TCF3: variants seen among roughly 807,000 people sequenced by gnomAD.
The protein encoded by TCF3 is transcription factor E2-alpha.
TCF3 carries 54 observed loss-of-function variants against 72.3 expected under a neutral mutation model. The ratio of observed to expected loss-of-function variants is 0.75; its 90% CI spans 0.60 to 0.94. TCF3 has a LOEUF of 0.94. Among genes scored for constraint, TCF3 ranks in the 40% least tolerant of loss-of-function variants. The pLI is 0.00. For synonymous variants in TCF3, 525 were observed against 412.6 expected, an observed-to-expected ratio of 1.27 and a Z score of -3.30; for missense variants, 1,078 against 934.4, an observed-to-expected ratio of 1.15 and a Z score of -2.00.
Position 1,621,956 on chromosome 19 carries a change from A to G in TCF3, c.837T>C (p.His279=), listed in dbSNP as rs1412404703. ...HQHERMGYQL[H]GAEVNGGLPS... ...GGAGCCCACCGTTCACCTCTGCTCC[A>G]TGCAGCTGGTAGCCCTGGGGGGTCA... is the stretch of plus-strand genomic sequence containing the variant. The change falls in exon 11 of 19, where the codon CAT becomes CAC. Residue 279 remains histidine (H), a synonymous_variant. Transcript: ENST00000262965. 1.2e-6 allele frequency: 2 copies of G among 1,606,336 alleles called. No homozygotes were observed. Among genetic ancestry groups the G allele is most frequent in the Admixed American group, 1.7e-5 (1 of 59,288 alleles).
At chr19:1,645,269 C>T (rs554146435) in intron 3 of TCF3, among the ~76,000 whole-genome samples, 2 of 152,176 alleles carry the variant, frequency 1.3e-5, no homozygotes, top group South Asian at 4.1e-4. Context: ...GGCCCCAACC[C>T]GAGGCCCCCA....
At chr19:1,623,793 C>T (rs988846105) in intron 8 of TCF3, among the ~76,000 whole-genome samples, 158 bp downstream of exon 8, 4 of 152,306 alleles carry the variant, frequency 2.6e-5, no homozygotes, top group South Asian at 2.1e-4. Flanking sequence ...CCCTTGGAGG[C>T]GGCCTCGGGT....
intron 18 of TCF3, among the ~76,000 whole-genome samples, chr19:1,612,936 C>T (rs1018772924): frequency 2.4e-4 from 33 of 138,276 alleles, no homozygotes; most frequent in Non-Finnish European, 4.1e-4. Context: ...GGCAGCAGTG[C>T]GGGTACACAG....
Position 1,646,370 on chromosome 19 carries a change from G to A in TCF3, c.130C>T (p.Gln44Ter). The change falls in exon 3 of 19, where the codon CAG becomes TAG. Residue 44 changes from glutamine to a stop codon, truncating the protein, a stop_gained. Transcript: ENST00000262965. LOFTEE classifies it high-confidence loss of function. The stretch of plus-strand genomic sequence containing the variant: ...GGGGTCCTACCTGAACCTCCGAACT[G>A]CGCCCCGGCCAGGGAGGCGGGCCGG... The part of the protein sequence containing the change: ...KGRPASLAGA[Q>*]FGGSGLEDRP... The A allele has an allele frequency of 6.5e-7, 1 of 1,550,362 alleles. No homozygotes were observed. Among genetic ancestry groups the A allele is most frequent in the Non-Finnish European group, 8.7e-7 (1 of 1,146,696 alleles).
chr19:1,637,646 A>C, intron 3 of TCF3, among the ~76,000 whole-genome samples: 1 of 152,356 alleles, frequency 6.6e-6, no homozygotes, highest in Non-Finnish European at 1.5e-5. Flanking sequence ...ACGGTGGCTC[A>C]CGCCTGTAAT....
intron 5 of TCF3, among the ~76,000 whole-genome samples, chr19:1,630,074 C>A (rs2063513479): frequency 6.6e-6 from 1 of 152,228 alleles, no homozygotes; most frequent in Non-Finnish European, 1.5e-5. Context: ...TGGCCTGGGC[C>A]CCACCCGTGG....
At chr19:1,652,204 G>A (rs1481518471) in intron 1 of TCF3, 96 bp downstream of exon 1, 2 of 139,960 alleles carry the variant, frequency 1.4e-5, no homozygotes, top group Admixed American at 1.4e-4. Context: ...CTTCCTCCGC[G>A]CCCCCCCCCA....
At position 1,610,932 on chromosome 19, in the gene TCF3, G is replaced by GC. The variant is rs955166213; in HGVS notation, c.*774_*775insG. On this transcript the variant is annotated 3_prime_UTR_variant, in exon 19 of 19. Coordinates refer to ENST00000262965, the MANE Select transcript of TCF3 (RefSeq NM_003200.5). ...CTGTGTGCAGTGGCTTCCGGGGGGGGGGGGGGACGGGGGGGCTCAGGTTTA... is the reference window on the plus strand; with the variant it reads ...CTGTGTGCAGTGGCTTCCGGGGGGGGCGGGGGGACGGGGGGGCTCAGGTTTA... 4.7e-6 allele frequency: 1 copy of GC among 212,984 alleles called. No homozygotes were observed. Among genetic ancestry groups the GC allele is most frequent in the African/African-American group, 2.3e-5 (1 of 43,530 alleles). 13.2% of individuals were successfully genotyped at this position (212,984 alleles called of 1,614,324 possible). A position where few individuals can be genotyped will look rare whatever the true frequency, so the allele number is the denominator to read the frequency against.
At position 1,646,418 on chromosome 19, in the gene TCF3, G is replaced by A. The variant is rs945332912; in HGVS notation, c.82C>T (p.Leu28=). 6.5e-7 allele frequency: 1 copy of A among 1,550,262 alleles called. No homozygotes were observed. Among genetic ancestry groups the A allele is most frequent in the South Asian group, 1.2e-5 (1 of 84,046 alleles). The change falls in exon 3 of 19, where the codon CTG becomes TTG. Residue 28 remains leucine (L), a synonymous_variant. Coordinates refer to ENST00000262965, the MANE Select transcript of TCF3 (RefSeq NM_003200.5). ...DLLDFSMMFP[L]PVTNGKGRPA... Reference sequence around the variant, plus strand: ...CGGCCCTTCCCGTTGGTGACAGGCAGCGGGAACATCTGCAGGGAGGGGAGG... The same window carrying A: ...CGGCCCTTCCCGTTGGTGACAGGCAACGGGAACATCTGCAGGGAGGGGAGG...
Position 1,619,230 on chromosome 19 carries a change from C to G in TCF3, c.1331G>C (p.Gly444Ala), listed in dbSNP as rs1301050577. 1.3e-6 allele frequency: 2 copies of G among 1,594,568 alleles called. No homozygotes were observed. The highest frequency in any genetic ancestry group is 1.7e-6 in the Non-Finnish European group (2 of 1,177,142). The change falls in exon 16 of 19, where the codon GGA becomes GCA. Residue 444 changes from glycine (G) to alanine (A), a missense_variant. Transcript: ENST00000262965. ...SLGGRHAGLV[G>A]GSHPEDGLAG... ...GAGGCCGTCCTCGGGGTGGCTGCCT[C>G]CAACCTGCAGGCGTGGGGAGACGGG...
chr19:1,611,693 C>T lies in TCF3; in HGVS notation c.*14G>A, dbSNP rs760923384. On this transcript the variant is annotated 3_prime_UTR_variant, in exon 19 of 19. Coordinates refer to ENST00000262965, the MANE Select transcript of TCF3 (RefSeq NM_003200.5). ...GGCTGAAAGCGGGTGGCTCGTCCCA[C>T]GGAGGCATACCTTTCACATGTGCCC... 12 of 1,608,514 alleles carry T rather than the reference C, an allele frequency of 7.5e-6. No individual in the cohort carries two copies. Among genetic ancestry groups the T allele is most frequent in the Admixed American group, 3.4e-5 (2 of 59,514 alleles).
intron 3 of TCF3, 44 bp downstream of exon 3, chr19:1,646,311 G>A (rs2066087135): frequency 1.3e-6 from 2 of 1,537,772 alleles, no homozygotes; most frequent in Non-Finnish European, 8.8e-7. Context: ...ACAGACCCTT[G>A]ATCTCCTCAC....
chr19:1,625,587 T>G lies in TCF3; in HGVS notation c.488A>C (p.Asp163Ala). The part of the protein sequence containing the change: ...YSGSSRRRAA[D>A]GSLDTQPKKV... ...CAGACCCCGCTCACCTAGGCTGCCGTCTGCCGCTCTCCGCCGGGAGCTGCC... is the reference window on the plus strand; with the variant it reads ...CAGACCCCGCTCACCTAGGCTGCCGGCTGCCGCTCTCCGCCGGGAGCTGCC... The change falls in exon 7 of 19, where the codon GAC becomes GCC. Residue 163 changes from aspartate (D) to alanine (A), a missense_variant. Asp to Ala is a moderately radical substitution (Grantham distance 126). Coordinates refer to ENST00000262965, the MANE Select transcript of TCF3 (RefSeq NM_003200.5). The G allele has an allele frequency of 6.3e-7, 1 of 1,584,976 alleles. No homozygotes were observed. Among genetic ancestry groups the G allele is most frequent in the Non-Finnish European group, 8.6e-7 (1 of 1,168,638 alleles).
intron 3 of TCF3, among the ~76,000 whole-genome samples, chr19:1,637,257 G>A (rs1447781286): frequency 1.3e-5 from 2 of 149,536 alleles, no homozygotes; most frequent in African/African-American, 5.0e-5. Context: ...CACCAGAACC[G>A]AGGACGCCTG....
intron 16 of TCF3, among the ~76,000 whole-genome samples, chr19:1,618,380 G>A (rs540105207): frequency 9.2e-5 from 14 of 152,190 alleles, no homozygotes; most frequent in Admixed American, 3.3e-4. Context: ...GCCACCAGAG[G>A]GTATCTGTGA....
intron 1 of TCF3, among the ~76,000 whole-genome samples, chr19:1,651,553 G>T (rs2067063124): frequency 6.6e-6 from 1 of 152,238 alleles, no homozygotes; most frequent in Non-Finnish European, 1.5e-5. Context: ...GCATTCTACG[G>T]GAGCTGGAAG....
intron 16 of TCF3, among the ~76,000 whole-genome samples, chr19:1,617,956 T>G (rs2061724011): frequency 6.6e-6 from 1 of 151,948 alleles, no homozygotes. Flanking sequence ...GGCCTAGGAG[T>G]GATAGAATCA....
intron 3 of TCF3, 105 bp from the exon 4 acceptor site, chr19:1,632,510 T>G: frequency 5.4e-5 from 67 of 1,237,032 alleles, no homozygotes; most frequent in Non-Finnish European, 6.8e-5. Context: ...CCGGGGGGCT[T>G]GTGGAACCCT....
In TCF3 at chr19:1,643,385, T is replaced by A. The variant is rs976022476; in HGVS notation, c.145+2970A>T. Among the ~76,000 whole-genome samples, 10 of 151,992 alleles carry A rather than the reference T, an allele frequency of 6.6e-5. No homozygotes were observed. The East Asian group carries it at 1.9e-3, about 29-fold the overall frequency. On this transcript the variant is annotated intron_variant, in intron 3 of 18. Transcript: ENST00000262965. ...CCAAGTGTGCGCCACCACGCCCAGC[T>A]AATTTTTGTATTTTTAGTAGAGATG...
Sources: gnomAD v4.1 joint callset for allele counts (sites outside exome capture counted in the v4.1 genomes callset) on GRCh38, gnomAD v4.1.1 for gene constraint, MANE v1.5 for transcripts, NCBI Gene and HGNC (gene_info 2026-07-23, HGNC 2026-07-21) for gene names.